GCA: variants seen among roughly 807,000 people sequenced by gnomAD.
GCA encodes grancalcin, also known as grancalcin, EF-hand calcium-binding protein.
In GCA, 30 loss-of-function variants were observed where a neutral mutation model predicts 32.6. The ratio of observed to expected loss-of-function variants is 0.92; its 90% CI spans 0.69 to 1.25. The LOEUF is 1.25. GCA is among the 50% of genes most tolerant of loss of function. The pLI, the probability that GCA is intolerant of heterozygous loss-of-function variation, is 0.00. For synonymous variants in GCA, 102 were observed against 84.6 expected (o/e 1.21, Z -1.13); for missense variants, 291 against 266.8 (o/e 1.09, Z -0.63).
At chr2:162,334,026 G>A (rs1684181309) in intron 1 of GCA, among the ~76,000 whole-genome samples, 1 of 152,100 alleles carries the variant, frequency 6.6e-6, no homozygotes, top group Non-Finnish European at 1.5e-5. Flanking sequence ...TTGAAGAGGT[G>A]GCAGGGACAA....
chr2:162,343,509 C>A (rs1325836521), upstream of GCA, among the ~76,000 whole-genome samples: 2 of 152,170 alleles, frequency 1.3e-5, no homozygotes, highest in Non-Finnish European at 2.9e-5. Context: ...TGGAAATCAA[C>A]TTTAACTAGA....
intron 4 of GCA, among the ~76,000 whole-genome samples, chr2:162,370,693 T>A (rs572466809): frequency 6.6e-6 from 1 of 152,248 alleles, no homozygotes; most frequent in Admixed American, 6.6e-5. Context: ...TGGAATAACA[T>A]ATACTTAATG....
chr2:162,370,460 C>CA (rs1364631094), intron 4 of GCA, among the ~76,000 whole-genome samples: 1 of 152,052 alleles, frequency 6.6e-6, no homozygotes, highest in African/African-American at 2.4e-5. Context: ...ATGTCCCCCA[C>CA]AAAAAATCTA....
At chr2:162,370,297 A>G (rs1300372409) in intron 4 of GCA, among the ~76,000 whole-genome samples, 1 of 152,146 alleles carries the variant, frequency 6.6e-6, no homozygotes, top group African/African-American at 2.4e-5. Context: ...ATAAATTTCA[A>G]TATTTTTGTT....
intron 4 of GCA, among the ~76,000 whole-genome samples, chr2:162,370,922 C>G (rs907549629): frequency 6.6e-6 from 1 of 151,996 alleles, no homozygotes; most frequent in Non-Finnish European, 1.5e-5. Context: ...AATTACCACA[C>G]CCTGCTAATT....
chr2:162,359,096 G>C lies in GCA; in HGVS notation c.507G>C (p.Lys169Asn). Reference protein sequence around the residue: ...TLTTIVKRYSKNGRIFFDDYV... With the variant: ...TLTTIVKRYSNNGRIFFDDYV... Reference sequence around the variant, plus strand: ...CTACTATTGTTAAACGTTATAGCAAGAATGGCAGAATTTTCTTTGATGATT... The same window carrying C: ...CTACTATTGTTAAACGTTATAGCAACAATGGCAGAATTTTCTTTGATGATT... The change falls in exon 6 of 8, where the codon AAG (lysine) becomes AAC (asparagine). Residue 169 changes from lysine to asparagine, a missense_variant. Physicochemically the swap from Lys to Asn is moderately conservative, Grantham distance 94. Transcript: ENST00000437150. The C allele has an allele frequency of 6.2e-7, 1 of 1,606,858 alleles. No homozygotes were observed. Among genetic ancestry groups the C allele is most frequent in the Non-Finnish European group, 8.5e-7 (1 of 1,174,720 alleles).
intron 1 of GCA, among the ~76,000 whole-genome samples, chr2:162,321,312 A>C (rs1467056792): frequency 3.3e-5 from 5 of 152,078 alleles, no homozygotes; most frequent in South Asian, 4.1e-4. Flanking sequence ...TTCTCTTTTG[A>C]GGCAGGAGAT....
chr2:162,352,461 A>C, intron 3 of GCA, 54 bp downstream of exon 3: 1 of 1,065,932 alleles, frequency 9.4e-7, no homozygotes, highest in Non-Finnish European at 1.4e-6. Context: ...TTATTTTCTT[A>C]CTTTTTTTGT....
intron 1 of GCA, among the ~76,000 whole-genome samples, chr2:162,327,034 A>C (rs1683909924): frequency 6.6e-6 from 1 of 152,140 alleles, no homozygotes; most frequent in Admixed American, 6.5e-5. Context: ...CTATTGGCAA[A>C]CTTTGAGTTC....
intron 1 of GCA, among the ~76,000 whole-genome samples, chr2:162,326,878 C>G (rs1365234132): frequency 6.6e-6 from 1 of 152,152 alleles, no homozygotes; most frequent in Non-Finnish European, 1.5e-5. Context: ...CAAGCGTCCT[C>G]CCTCCACTCT....
chr2:162,344,123 T>G (rs935049464), upstream of GCA: 153 of 969,664 alleles, frequency 1.6e-4, no homozygotes, highest in African/African-American at 2.1e-4. Flanking sequence ...AGGAGTGAAC[T>G]GTGCGGTTAG....
At chr2:162,358,873 G>C (rs1015303374) in intron 5 of GCA, among the ~76,000 whole-genome samples, 171 bp from the exon 6 acceptor site, 5 of 151,306 alleles carry the variant, frequency 3.3e-5, no homozygotes, top group Non-Finnish European at 5.9e-5. Flanking sequence ...CCGATTAACA[G>C]GATTAACAGT....
chr2:162,362,605 T>G lies in GCA; in HGVS notation c.*2362T>G, dbSNP rs1049095837. ...ACATGTTTCCATGTCATTTTGAGAATTTTTTTAATAAACATTCAAATAGCT... is the reference window on the plus strand; with the variant it reads ...ACATGTTTCCATGTCATTTTGAGAAGTTTTTTAATAAACATTCAAATAGCT... On this transcript the variant is annotated 3_prime_UTR_variant, in exon 8 of 8. Coordinates refer to ENST00000437150, the MANE Select transcript of GCA (RefSeq NM_012198.5). The G allele has an allele frequency of 6.5e-6, 6 of 917,190 alleles. No individual in the cohort carries two copies. In the African/African-American group the frequency reaches 1.1e-4, roughly 16 times the overall value. 56.8% of individuals were successfully genotyped at this position (917,190 alleles called of 1,614,324 possible). A position where few individuals can be genotyped will look rare whatever the true frequency, so the allele number is the denominator to read the frequency against.
At position 162,358,956 on chromosome 2, in the gene GCA, A is replaced by C; in HGVS notation, c.455-88A>C. 3 of 613,806 alleles carry C rather than the reference A, an allele frequency of 4.9e-6. No individual in the cohort carries two copies. The South Asian group carries it at 6.6e-5, about 13-fold the overall frequency. 38.0% of individuals were successfully genotyped at this position (613,806 alleles called of 1,614,324 possible). On this transcript the variant is annotated intron_variant, in intron 5 of 7. Transcript: ENST00000437150. ...TTATATTTTTGTGGAATGAATTTTG[A>C]AAGTTATTTTATGACTTAATGAGAA...
chr2:162,327,218 C>A (rs765035540), intron 1 of GCA, among the ~76,000 whole-genome samples: 2 of 152,078 alleles, frequency 1.3e-5, no homozygotes, highest in Non-Finnish European at 2.9e-5. Flanking sequence ...AAGCTTAAAT[C>A]GAGTTTGGGA....
At chr2:162,351,099 A>G (rs960495254) in intron 2 of GCA, among the ~76,000 whole-genome samples, 10 of 152,200 alleles carry the variant, frequency 6.6e-5, no homozygotes, top group African/African-American at 2.4e-4. Context: ...TATAGGATGA[A>G]GTATTCTAAA....
At position 162,352,418 on chromosome 2, in the gene GCA, T is replaced by G. The variant is rs369493506; in HGVS notation, c.262+11T>G. On this transcript the variant is annotated intron_variant, in intron 3 of 7. Coordinates refer to ENST00000437150, the MANE Select transcript of GCA (RefSeq NM_012198.5). ...ATGGAACTTACTCTCGTGAGATCTT[T>G]TTTCCCCTTTTGTTGAAATTATAAT... The G allele has an allele frequency of 6.1e-6, 9 of 1,467,982 alleles. No individual in the cohort carries two copies. Among genetic ancestry groups the G allele is most frequent in the Admixed American group, 1.8e-5 (1 of 56,932 alleles). The allele number at this position is 1,467,982 out of a possible 1,614,324, so 90.9% of individuals were successfully genotyped here.
At chr2:162,346,397 A>T (rs1242269380) in intron 1 of GCA, among the ~76,000 whole-genome samples, 1 of 152,198 alleles carries the variant, frequency 6.6e-6, no homozygotes, top group East Asian at 1.9e-4. Flanking sequence ...TGGTGGTCAG[A>T]TTAATGATGG....
intron 3 of GCA, among the ~76,000 whole-genome samples, chr2:162,353,956 T>C (rs918628911): frequency 6.6e-6 from 1 of 152,158 alleles, no homozygotes; most frequent in African/African-American, 2.4e-5. Flanking sequence ...AAACCTTCTA[T>C]TGAGTCTTTC....
Sources: allele counts gnomAD v4.1 joint callset (sites outside exome capture counted in the v4.1 genomes callset), GRCh38; gene constraint gnomAD v4.1.1; transcripts MANE v1.5; gene names NCBI Gene and HGNC (gene_info 2026-07-23, HGNC 2026-07-21).